Variants in CLSTN2 observed in about 807,000 individuals in gnomAD.
CLSTN2 encodes the protein calsyntenin 2, also known as calsyntenin-2.
Under a neutral mutation model 101.2 loss-of-function variants are expected in CLSTN2, and 48 were observed. The observed-to-expected ratio is 0.47, with a 90% CI of 0.38 to 0.60. The LOEUF is 0.60. Among genes scored for constraint, CLSTN2 ranks in the 20% least tolerant of loss-of-function variants. The pLI is 0.00. For missense variants in CLSTN2, 1,160 were observed against 1,238.2 expected (o/e 0.94, Z 0.95); for synonymous variants, 481 against 463.6 (o/e 1.04, Z -0.48).
At chr3:140,271,847 G>A (rs116322127) in intron 2 of CLSTN2, among the ~76,000 whole-genome samples, 4,615 of 152,330 alleles carry the variant, frequency 0.03, 145 homozygotes, top group African/African-American at 0.071. Flanking sequence ...ACATGTGCTT[G>A]TATAATGCAG....
intron 2 of CLSTN2, among the ~76,000 whole-genome samples, chr3:140,206,854 A>G (rs567824721): frequency 2.0e-5 from 3 of 152,278 alleles, no homozygotes; most frequent in Non-Finnish European, 4.4e-5. Context: ...AATGCCCAGT[A>G]GCCAATAGAC....
intron 1 of CLSTN2, among the ~76,000 whole-genome samples, chr3:140,033,853 G>A (rs556646341): frequency 6.6e-6 from 1 of 152,228 alleles, no homozygotes; most frequent in South Asian, 2.1e-4. Flanking sequence ...TCTAAAAATT[G>A]TAGCCCACTA....
chr3:140,504,915 C>A (rs1934656733), intron 8 of CLSTN2, among the ~76,000 whole-genome samples: 1 of 152,042 alleles, frequency 6.6e-6, no homozygotes, highest in Non-Finnish European at 1.5e-5. Flanking sequence ...TTATATGAGA[C>A]CAAAACTCAA....
intron 1 of CLSTN2, among the ~76,000 whole-genome samples, chr3:140,160,037 A>G (rs2107819315): frequency 6.6e-6 from 1 of 152,230 alleles, no homozygotes; most frequent in East Asian, 1.9e-4. Flanking sequence ...GAGAGGGTGT[A>G]TGTTAAAAAA....
At chr3:140,294,736 A>T (rs192524413) in intron 2 of CLSTN2, among the ~76,000 whole-genome samples, 55 of 152,274 alleles carry the variant, frequency 3.6e-4, no homozygotes, top group African/African-American at 1.3e-3. Flanking sequence ...GCTATAACAA[A>T]GTACCATAGA....
chr3:140,274,197 A>G (rs1274566244), intron 2 of CLSTN2, among the ~76,000 whole-genome samples: 1 of 152,094 alleles, frequency 6.6e-6, no homozygotes, highest in Non-Finnish European at 1.5e-5. Flanking sequence ...TGAACCATAC[A>G]TCTACTAAGG....
chr3:139,968,867 G>T (rs7649719), intron 1 of CLSTN2, among the ~76,000 whole-genome samples: 40,389 of 152,026 alleles, frequency 0.27, 5,459 homozygotes, highest in African/African-American at 0.28. Context: ...AAGTCGGTTC[G>T]CCAGCAACAG....
At chr3:140,539,689 G>A (rs1935433901) in intron 9 of CLSTN2, among the ~76,000 whole-genome samples, 1 of 152,186 alleles carries the variant, frequency 6.6e-6, no homozygotes, top group Non-Finnish European at 1.5e-5. Context: ...GCAGTGCTGA[G>A]CATCTTACAT....
chr3:139,935,410 G>A lies in CLSTN2; in HGVS notation c.36G>A (p.Leu12=). ...LPGRLCWVPL[L]LALGVGSGSG... is the part of the protein sequence containing the mutation. ...GGCGGCTGTGCTGGGTGCCGCTCCT[G>A]CTGGCGCTGGGCGTGGGGAGCGGCA... The change falls in exon 1 of 17, where the codon CTG becomes CTA. Residue 12 remains leucine, a synonymous_variant. Coordinates refer to ENST00000458420, the MANE Select transcript of CLSTN2 (RefSeq NM_022131.3). The surrounding 1 kb of genome is among the most constrained non-coding windows in gnomAD (Gnocchi z 5.5). 1 of 1,231,046 alleles carries A rather than the reference G, an allele frequency of 8.1e-7. No homozygotes were observed. The highest frequency in any genetic ancestry group is 1.0e-6 in the Non-Finnish European group (1 of 987,214). The allele number at this position is 1,231,046 out of a possible 1,614,324, so 76.3% of individuals were successfully genotyped here.
chr3:140,532,417 G>T lies in CLSTN2; in HGVS notation c.1438G>T (p.Val480Leu). 6.2e-7 allele frequency: 1 copy of T among 1,613,910 alleles called. No homozygotes were observed. Among genetic ancestry groups the T allele is most frequent in the Non-Finnish European group, 8.5e-7 (1 of 1,179,898 alleles). The change falls in exon 9 of 17, where the codon GTG (valine) becomes TTG (leucine). Residue 480 changes from valine to leucine, a missense_variant. Transcript: ENST00000458420. ...TGGAGCAACATATGAACCATACCTG[G>T]TGACCAACGACTGGCCCATTCATCC... The part of the protein sequence containing the change: ...MDGATYEPYL[V>L]TNDWPIHPSH...
At chr3:140,510,003 C>A (rs1934776746) in intron 8 of CLSTN2, among the ~76,000 whole-genome samples, 1 of 152,228 alleles carries the variant, frequency 6.6e-6, no homozygotes, top group South Asian at 2.1e-4. Context: ...AACATCAAAG[C>A]TTAGCCTAGT....
intron 2 of CLSTN2, among the ~76,000 whole-genome samples, chr3:140,275,385 G>A (rs377510952): frequency 2.0e-5 from 3 of 151,828 alleles, no homozygotes; most frequent in Middle Eastern, 3.2e-3. Context: ...TGATCCTCCT[G>A]CCTTCCTGCC....
rs773271368 is a variant in CLSTN2, at chr3:140,176,089, C to T, written c.232+16C>T. On this transcript the variant is annotated intron_variant, in intron 2 of 16. Coordinates refer to ENST00000458420, the MANE Select transcript of CLSTN2 (RefSeq NM_022131.3). The stretch of plus-strand genomic sequence containing the variant: ...CCTTTTGCAGGTGAGATTATGGCTT[C>T]GTACGGCTGGGCCTGGCTCACTTTG... 49 of 1,612,926 alleles carry T rather than the reference C, an allele frequency of 3.0e-5. No homozygotes were observed. Among genetic ancestry groups the T allele is most frequent in the East Asian group, 4.5e-5 (2 of 44,818 alleles).
chr3:140,488,097 C>G (rs1281812013), intron 8 of CLSTN2, among the ~76,000 whole-genome samples: 2 of 152,098 alleles, frequency 1.3e-5, no homozygotes, highest in Non-Finnish European at 2.9e-5. Flanking sequence ...AACAGTATGT[C>G]ACATTAGGAA....
chr3:140,410,035 AAAGC>A (rs1200601060), intron 4 of CLSTN2, among the ~76,000 whole-genome samples: 2 of 152,012 alleles, frequency 1.3e-5, no homozygotes, highest in African/African-American at 4.8e-5. Context: ...AAAAATCAAG[AAAGC>A]CTACATAATG....
At chr3:139,990,290 G>A (rs1250268605) in intron 1 of CLSTN2, among the ~76,000 whole-genome samples, 1 of 152,174 alleles carries the variant, frequency 6.6e-6, no homozygotes, top group Non-Finnish European at 1.5e-5. Context: ...AGGCCAGATG[G>A]CTGCCATGAT....
intron 2 of CLSTN2, among the ~76,000 whole-genome samples, chr3:140,250,019 A>G (rs557949077): frequency 3.3e-5 from 5 of 152,324 alleles, no homozygotes; most frequent in South Asian, 2.1e-4. Flanking sequence ...AGTCATTTCA[A>G]TTTAAGAAAT....
At chr3:139,955,812 G>A (rs966159181) in intron 1 of CLSTN2, among the ~76,000 whole-genome samples, 1 of 152,178 alleles carries the variant, frequency 6.6e-6, no homozygotes, top group African/African-American at 2.4e-5. Context: ...GGGGACATTC[G>A]TTTCTTGGGG....
intron 1 of CLSTN2, among the ~76,000 whole-genome samples, chr3:140,034,616 G>T (rs1205073876): frequency 6.6e-6 from 1 of 152,322 alleles, no homozygotes; most frequent in African/African-American, 2.4e-5. Context: ...CCTCTCTTTT[G>T]CCAGAGCATC....
Sources: gnomAD v4.1 joint callset for allele counts (sites outside exome capture counted in the v4.1 genomes callset) on GRCh38, gnomAD v4.1.1 for gene constraint, Gnocchi (gnomAD v3.1) non-coding constraint, MANE v1.5 for transcripts, NCBI Gene and HGNC (gene_info 2026-07-23, HGNC 2026-07-21) for gene names.